The following ETFA variants were observed in gnomAD, a reference collection of about 807,000 sequenced individuals.
ETFA encodes electron transfer flavoprotein subunit alpha.
A neutral mutation model predicts 46.2 loss-of-function variants in ETFA; 22 were observed. The ratio of observed to expected loss-of-function variants is 0.48; its 90% CI spans 0.34 to 0.68. ETFA has a LOEUF of 0.68. ETFA is among the 30% of genes least tolerant of loss of function. The pLI, the probability that ETFA is intolerant of heterozygous loss-of-function variation, is 0.01. For missense variants in ETFA, 345 were observed against 401.1 expected (o/e 0.86, Z 1.19); for synonymous variants, 131 against 139.9 (o/e 0.94, Z 0.45).
chr15:76,279,866 G>A (rs1337867959), intron 8 of ETFA, among the ~76,000 whole-genome samples: 1 of 149,850 alleles, frequency 6.7e-6, no homozygotes, highest in East Asian at 2.0e-4. Flanking sequence ...ATCATACAGG[G>A]TTTATGGCTT....
At chr15:76,288,113 A>C (rs574926589) in intron 4 of ETFA, among the ~76,000 whole-genome samples, 168 bp from the exon 5 acceptor site, 1 of 152,340 alleles carries the variant, frequency 6.6e-6, no homozygotes, top group South Asian at 2.1e-4. Flanking sequence ...CTTTTTAAAT[A>C]GCCTTTGAGA....
At chr15:76,277,120 C>G (rs1469746265) in intron 8 of ETFA, among the ~76,000 whole-genome samples, 1 of 152,154 alleles carries the variant, frequency 6.6e-6, no homozygotes, top group African/African-American at 2.4e-5. Flanking sequence ...TGGTCTTTTA[C>G]TAAGACCGTA....
chr15:76,265,000 G>A (rs1242897342), intron 9 of ETFA, among the ~76,000 whole-genome samples: 1 of 152,174 alleles, frequency 6.6e-6, no homozygotes, highest in Non-Finnish European at 1.5e-5. Flanking sequence ...ATAGGAAGAG[G>A]GGCCTGCCTT....
intron 1 of ETFA, among the ~76,000 whole-genome samples, chr15:76,305,050 AAAG>A (rs750988975): frequency 2.1e-4 from 31 of 147,084 alleles, no homozygotes; most frequent in Non-Finnish European, 4.4e-4. Context: ...CAAAAAAAAA[AAAG>A]AAAGAAAGAA....
At chr15:76,230,041 G>A (rs1183760250) in intron 10 of ETFA, 1 of 151,542 alleles carries the variant, frequency 6.6e-6, no homozygotes, top group African/African-American at 2.4e-5. Context: ...CCAGCACTTT[G>A]GGAGGCTGAG....
In ETFA at chr15:76,265,243, C is replaced by T. The variant is rs572083485; in HGVS notation, c.816+9169G>A. Among the ~76,000 whole-genome samples, 42 of 152,298 alleles carry T rather than the reference C, an allele frequency of 2.8e-4. 1 individual carries two copies. In the South Asian group the frequency reaches 3.9e-3, roughly 14 times the overall value. ...TCTAAATTTAAAAGGTGTCACTGTG[C>T]ATATGGGAATAATTGACTCTGATCA... On this transcript the variant is annotated intron_variant, in intron 9 of 11. Transcript: ENST00000557943.
rs781400558 is a variant in ETFA at position 76,285,675 on chromosome 15, C to A, written c.626G>T (p.Arg209Leu). 9 of 1,612,096 alleles carry A rather than the reference C, an allele frequency of 5.6e-6. No homozygotes were observed. Among genetic ancestry groups the A allele is most frequent in the African/African-American group, 1.3e-5 (1 of 74,838 alleles). Residue 209 changes from arginine (R) to leucine (L), a missense_variant, in exon 7 of 12, where the codon CGA (arginine) becomes CTA (leucine). Transcript: ENST00000557943. ...WLDQKLTKSD[R>L]PELTGAKVVV... ...CACTTTGGCACCTGTTAGCTCTGGT[C>A]GATCACTTTTTGTTAATTTCTGGTC...
At chr15:76,264,417 GGGTGTT>G (rs942201086) in intron 9 of ETFA, among the ~76,000 whole-genome samples, 3 of 152,182 alleles carry the variant, frequency 2.0e-5, no homozygotes, top group African/African-American at 7.2e-5. Context: ...AAGTAATGGA[GGGTGTT>G]GCCATTGTTC....
chr15:76,298,601 A>T (rs879569644), intron 1 of ETFA, among the ~76,000 whole-genome samples: 6 of 152,202 alleles, frequency 3.9e-5, no homozygotes, highest in Non-Finnish European at 7.3e-5. Context: ...AGATGAGGAA[A>T]CTGGAGCTTA....
At chr15:76,304,636 C>G (rs1185944871) in intron 1 of ETFA, among the ~76,000 whole-genome samples, 2 of 149,182 alleles carry the variant, frequency 1.3e-5, no homozygotes, top group East Asian at 3.9e-4. Context: ...TGCACTCCAG[C>G]CTGGGTGAGA....
intron 9 of ETFA, among the ~76,000 whole-genome samples, chr15:76,269,030 C>T (rs1029254198): frequency 6.6e-5 from 10 of 152,198 alleles, no homozygotes; most frequent in Admixed American, 2.0e-4. Context: ...ACAAGACAGC[C>T]GATGGGTTGT....
chr15:76,301,089 T>A (rs1248398050), intron 1 of ETFA, among the ~76,000 whole-genome samples: 1 of 152,222 alleles, frequency 6.6e-6, no homozygotes, highest in Non-Finnish European at 1.5e-5. Context: ...TAATATCTCA[T>A]AGAGTTGTTG....
At chr15:76,293,231 A>G (rs1264758349) in intron 2 of ETFA, among the ~76,000 whole-genome samples, 4 of 152,228 alleles carry the variant, frequency 2.6e-5, no homozygotes, top group Non-Finnish European at 5.9e-5. Context: ...ACACTGTCCA[A>G]CTACCAAGCA....
At chr15:76,272,816 A>ATATATT (rs2039552545) in intron 9 of ETFA, among the ~76,000 whole-genome samples, 3 of 147,008 alleles carry the variant, frequency 2.0e-5, no homozygotes, top group Non-Finnish European at 3.0e-5. Flanking sequence ...ATATATACAT[A>ATATATT]TATATATATA....
intron 9 of ETFA, among the ~76,000 whole-genome samples, chr15:76,254,811 T>TA (rs1461843278): frequency 9.9e-5 from 15 of 152,184 alleles, no homozygotes; most frequent in Non-Finnish European, 2.2e-4. Context: ...GGGATTAACT[T>TA]AGTTTGTTCT....
chr15:76,217,628 T>G (rs1250641785), intron 11 of ETFA: 7 of 455,856 alleles, frequency 1.5e-5, no homozygotes, highest in Non-Finnish European at 2.6e-5. Context: ...GAGCTTCCAG[T>G]GTAGAGCTGC....
chr15:76,256,579 G>A (rs530840798), intron 9 of ETFA, among the ~76,000 whole-genome samples: 5 of 152,098 alleles, frequency 3.3e-5, no homozygotes, highest in African/African-American at 4.8e-5. Context: ...TTCTTATCAA[G>A]GACAAAATTT....
intron 2 of ETFA, among the ~76,000 whole-genome samples, chr15:76,294,463 GTTCTT>G (rs770624691): frequency 3.9e-5 from 6 of 152,168 alleles, no homozygotes; most frequent in East Asian, 1.9e-4. Flanking sequence ...ACCAGAATAT[GTTCTT>G]TTATCAATTT....
intron 4 of ETFA, among the ~76,000 whole-genome samples, chr15:76,289,245 C>T (rs2039734070): frequency 6.6e-6 from 1 of 152,084 alleles, no homozygotes; most frequent in African/African-American, 2.4e-5. Flanking sequence ...GAAGCACCTA[C>T]TTAATCTGGT....
Sources: allele counts gnomAD v4.1 joint callset (sites outside exome capture counted in the v4.1 genomes callset), GRCh38; gene constraint gnomAD v4.1.1; transcripts MANE v1.5; gene names NCBI Gene and HGNC (gene_info 2026-07-23, HGNC 2026-07-21).